Variants in C17orf78 observed in about 807,000 individuals in gnomAD.
C17orf78 encodes the protein chromosome 17 open reading frame 78.
C17orf78 carries 27 observed loss-of-function variants against 31.8 expected under a neutral mutation model. That is an observed-to-expected ratio of 0.85 (90% CI 0.63 to 1.17). The LOEUF (loss-of-function observed/expected upper bound fraction) is 1.17. Among genes scored for constraint, C17orf78 ranks in the 50% most tolerant of loss-of-function variants. C17orf78 has a pLI of 0.00. For missense variants in C17orf78, 258 were observed against 315.2 expected, an observed-to-expected ratio of 0.82 and a Z score of 1.37; for synonymous variants, 106 against 115.1, an observed-to-expected ratio of 0.92 and a Z score of 0.51.
chr17:37,391,621 C>G (rs772062671), intron 6 of C17orf78, 26 bp from the exon 7 acceptor site: 2 of 1,603,502 alleles, frequency 1.2e-6, no homozygotes, highest in East Asian at 4.5e-5. Context: ...CCTTTTTTAA[C>G]TTTCATATTT....
rs532765746 is a variant in C17orf78 at position 37,391,148 on chromosome 17, T to C, written c.751-499T>C. 2.6e-5 allele frequency among the ~76,000 whole-genome samples: 4 copies of C among 152,042 alleles called. No individual in the cohort carries two copies. The South Asian group carries it at 8.3e-4, about 32-fold the overall frequency. The stretch of plus-strand genomic sequence containing the variant: ...AGCTACTCAGGAGGCTGAGGCAGGA[T>C]AATCGCTTGAACCCGGGAGGCACAG... On this transcript the variant is annotated intron_variant, in intron 6 of 6. Transcript: ENST00000615133.
At chr17:37,390,111 G>T (rs2050727234) in intron 6 of C17orf78, among the ~76,000 whole-genome samples, 1 of 106,168 alleles carries the variant, frequency 9.4e-6, no homozygotes, top group African/African-American at 3.9e-5. Context: ...AGGCAACATA[G>T]CGAGACACTG....
At chr17:37,382,911 C>T (rs1035446568) in intron 3 of C17orf78, among the ~76,000 whole-genome samples, 1 of 151,964 alleles carries the variant, frequency 6.6e-6, no homozygotes, top group African/African-American at 2.4e-5. Context: ...GAGGCACGCG[C>T]TTGTAGTCCC....
At chr17:37,382,602 C>CT (rs1250856807) in intron 3 of C17orf78, among the ~76,000 whole-genome samples, 1 of 152,170 alleles carries the variant, frequency 6.6e-6, no homozygotes, top group Non-Finnish European at 1.5e-5. Context: ...TGGCTCACGC[C>CT]TGTAATCCCA....
rs377038007 is a variant in C17orf78, at chr17:37,377,976, G to A, written c.145+11G>A. 1.5e-4 allele frequency: 248 copies of A among 1,610,320 alleles called. No individual in the cohort carries two copies. Among genetic ancestry groups the A allele is most frequent in the Non-Finnish European group, 2.1e-4 (247 of 1,177,038 alleles). On this transcript the variant is annotated intron_variant, in intron 2 of 6. Coordinates refer to ENST00000615133, the MANE Select transcript of C17orf78 (RefSeq NM_173625.5). The stretch of plus-strand genomic sequence containing the variant: ...AATTGCAAATGCAAGGTAGGGAATG[G>A]GTCCTTTCTGGAAAATGATATTGCC...
In C17orf78 at chr17:37,381,352, A is replaced by G. The variant is rs112806459; in HGVS notation, c.391+1970A>G. ...AGGTGCCCACCACCACACCCAGTGA[A>G]TTTCTGTATTTTTAGTAGAGACAAG... On this transcript the variant is annotated intron_variant, in intron 3 of 6. Coordinates refer to ENST00000615133, the MANE Select transcript of C17orf78 (RefSeq NM_173625.5). 6.1e-4 allele frequency among the ~76,000 whole-genome samples: 93 copies of G among 151,666 alleles called. 1 individual carries two copies. The highest frequency in any genetic ancestry group is 1.4e-3 in the Admixed American group (22 of 15,224).
At chr17:37,386,467 C>T (rs2050535666) in intron 4 of C17orf78, among the ~76,000 whole-genome samples, 1 of 152,062 alleles carries the variant, frequency 6.6e-6, no homozygotes, top group Admixed American at 6.6e-5. Flanking sequence ...TGGCAGGTAC[C>T]TGTAACCCCA....
chr17:37,389,558 A>C (rs1649816343), intron 6 of C17orf78, among the ~76,000 whole-genome samples, 196 bp downstream of exon 6: 1 of 151,928 alleles, frequency 6.6e-6, no homozygotes, highest in African/African-American at 2.4e-5. Context: ...CAGGTGGCAC[A>C]TGCCTGTACT....
intron 3 of C17orf78, among the ~76,000 whole-genome samples, chr17:37,385,043 C>T (rs977056866): frequency 2.0e-5 from 3 of 152,200 alleles, no homozygotes; most frequent in Non-Finnish European, 2.9e-5. Context: ...CTATCCATCT[C>T]CCATCACTTC....
At chr17:37,382,671 C>T (rs1034959578) in intron 3 of C17orf78, among the ~76,000 whole-genome samples, 1 of 152,072 alleles carries the variant, frequency 6.6e-6, no homozygotes, top group African/African-American at 2.4e-5. Context: ...ACCATCCTGG[C>T]CAACATGGTA....
chr17:37,379,084 C>A, intron 2 of C17orf78, 53 bp from the exon 3 acceptor site: 1 of 1,555,076 alleles, frequency 6.4e-7, no homozygotes, highest in Non-Finnish European at 8.7e-7. Flanking sequence ...AAAAACCAAC[C>A]AAACAAAAAA....
intron 6 of C17orf78, among the ~76,000 whole-genome samples, chr17:37,390,252 ATT>A (rs1491549466): frequency 6.3e-5 from 2 of 31,772 alleles, no homozygotes; most frequent in Non-Finnish European, 8.9e-5. Flanking sequence ...TTATATATAT[ATT>A]ATATATAATT....
At chr17:37,388,454 G>A (rs1319041504) in intron 4 of C17orf78, among the ~76,000 whole-genome samples, 1 of 152,030 alleles carries the variant, frequency 6.6e-6, no homozygotes, top group African/African-American at 2.4e-5. Context: ...TCAGTGGGAA[G>A]AGAGTGCAAA....
chr17:37,376,835 A>G (rs1000176942), intron 1 of C17orf78, among the ~76,000 whole-genome samples: 26 of 152,076 alleles, frequency 1.7e-4, no homozygotes, highest in African/African-American at 6.0e-4. Context: ...TGCACCTGTA[A>G]TCTCAGCTAC....
intron 1 of C17orf78, among the ~76,000 whole-genome samples, 151 bp downstream of exon 1, chr17:37,376,301 G>T (rs2050000055): frequency 6.6e-6 from 1 of 152,160 alleles, no homozygotes; most frequent in South Asian, 2.1e-4. Context: ...CCTCTAAGAA[G>T]GACTGCAACT....
intron 6 of C17orf78, 150 bp downstream of exon 6, chr17:37,389,512 C>G (rs1428194046): frequency 8.5e-7 from 1 of 1,181,518 alleles, no homozygotes; most frequent in African/African-American, 1.6e-5. Flanking sequence ...ACCAACATGA[C>G]GAAACCCTGT....
Position 37,386,051 on chromosome 17 carries a change from C to T in C17orf78, c.434C>T (p.Ser145Leu). 1.2e-6 allele frequency: 2 copies of T among 1,605,990 alleles called. No homozygotes were observed. Among genetic ancestry groups the T allele is most frequent in the Non-Finnish European group, 1.7e-6 (2 of 1,174,074 alleles). ...GISQCKVLGA[S>L]SETFPTTAPS... is the part of the protein sequence containing the mutation. ...TCACAATGTAAAGTCCTGGGGGCTT[C>T]ATCAGAGACTTTTCCCACCACTGCC... The change falls in exon 4 of 7, where the codon TCA (serine) becomes TTA (leucine). Residue 145 changes from serine (S) to leucine (L), a missense_variant. Coordinates refer to ENST00000615133, the MANE Select transcript of C17orf78 (RefSeq NM_173625.5).
chr17:37,384,659 G>A (rs2050449810), intron 3 of C17orf78, among the ~76,000 whole-genome samples: 1 of 151,614 alleles, frequency 6.6e-6, no homozygotes, highest in Non-Finnish European at 1.5e-5. Context: ...TTATCACTTC[G>A]AAGAACTGAC....
intron 2 of C17orf78, among the ~76,000 whole-genome samples, chr17:37,378,690 G>C (rs954697305): frequency 6.6e-6 from 1 of 152,130 alleles, no homozygotes; most frequent in African/African-American, 2.4e-5. Context: ...TCCAGCCTGA[G>C]CAACAAGAGC....
Sources: gnomAD v4.1 joint callset for allele counts (sites outside exome capture counted in the v4.1 genomes callset) on GRCh38, gnomAD v4.1.1 for gene constraint, MANE v1.5 for transcripts, NCBI Gene and HGNC (gene_info 2026-07-23, HGNC 2026-07-21) for gene names.